The following MCM9 variants were observed in gnomAD, a reference collection of about 807,000 sequenced individuals.
MCM9 encodes the protein minichromosome maintenance 9 homologous recombination repair factor.
Under a neutral mutation model 72.8 loss-of-function variants are expected in MCM9, and 55 were observed. The observed-to-expected ratio is 0.76, with a 90% confidence interval of 0.61 to 0.95. The LOEUF (loss-of-function observed/expected upper bound fraction) is 0.95. Among genes scored for constraint, MCM9 ranks in the 40% least tolerant of loss-of-function variants. The pLI, the probability that MCM9 is intolerant of heterozygous loss-of-function variation, is 0.00. For missense variants in MCM9, 1,279 were observed against 1,377.0 expected, an observed-to-expected ratio of 0.93 and a Z score of 1.13; for synonymous variants, 480 against 503.4, an observed-to-expected ratio of 0.95 and a Z score of 0.62.
intron 9 of MCM9, among the ~76,000 whole-genome samples, chr6:118,831,542 A>T (rs1252253882): frequency 6.6e-6 from 1 of 152,084 alleles, no homozygotes; most frequent in African/African-American, 2.4e-5. Flanking sequence ...GCCAGGACAG[A>T]CAGGGTGGTC....
At chr6:118,866,948 A>G (rs147588591) in intron 8 of MCM9, among the ~76,000 whole-genome samples, 3 of 152,290 alleles carry the variant, frequency 2.0e-5, no homozygotes, top group African/African-American at 7.2e-5. Context: ...CATCACATAC[A>G]AAAGAACCTT....
At chr6:118,870,046 A>G (rs1346518002) in intron 8 of MCM9, among the ~76,000 whole-genome samples, 1 of 152,232 alleles carries the variant, frequency 6.6e-6, no homozygotes, top group African/African-American at 2.4e-5. Context: ...CTGCAACACA[A>G]TAATAGTAAG....
At chr6:118,823,073 C>G (rs939072280) in intron 13 of MCM9, among the ~76,000 whole-genome samples, 1 of 152,138 alleles carries the variant, frequency 6.6e-6, no homozygotes, top group Non-Finnish European at 1.5e-5. Flanking sequence ...CCACTGAGAC[C>G]ATTCAGCTCC....
chr6:118,917,001 A>AT (rs1398798739), intron 6 of MCM9, among the ~76,000 whole-genome samples: 21 of 152,152 alleles, frequency 1.4e-4, no homozygotes, highest in African/African-American at 5.1e-4. Context: ...CACACTTGAG[A>AT]TTTTTTAATA....
chr6:118,834,348 T>C (rs1244218855), intron 9 of MCM9, among the ~76,000 whole-genome samples: 1 of 152,228 alleles, frequency 6.6e-6, no homozygotes, highest in African/African-American at 2.4e-5. Flanking sequence ...TATAGTAGAA[T>C]GATTCATAAT....
chr6:118,826,434 T>C, intron 12 of MCM9, 142 bp from the exon 13 acceptor site: 1 of 840,282 alleles, frequency 1.2e-6, no homozygotes, highest in South Asian at 2.4e-5. Context: ...GGGAGGCTTT[T>C]TCAACTTTCT....
chr6:118,905,744 T>C, intron 8 of MCM9: 1 of 1,613,630 alleles, frequency 6.2e-7, no homozygotes, highest in East Asian at 2.2e-5. Context: ...GACAAGAATT[T>C]ATTAGAGTTG....
At chr6:118,909,174 G>T (rs1002741617) in intron 8 of MCM9, 3 of 152,132 alleles carry the variant, frequency 2.0e-5, no homozygotes, top group African/African-American at 7.2e-5. Context: ...CCAACAAAGA[G>T]CTCAGTGGTT....
At chr6:118,873,918 A>G (rs1562419154) in intron 8 of MCM9, among the ~76,000 whole-genome samples, 1 of 152,218 alleles carries the variant, frequency 6.6e-6, no homozygotes, top group Non-Finnish European at 1.5e-5. Context: ...AGAATTGTAC[A>G]CCATGAACAA....
chr6:118,894,472 A>G, intron 8 of MCM9: 3 of 1,536,884 alleles, frequency 2.0e-6, no homozygotes, highest in Non-Finnish European at 2.6e-6. Context: ...CCTTTCTACA[A>G]CCCGTTCCAG....
chr6:118,890,304 C>A (rs1238557816), intron 8 of MCM9, among the ~76,000 whole-genome samples: 1 of 152,064 alleles, frequency 6.6e-6, no homozygotes, highest in African/African-American at 2.4e-5. Flanking sequence ...GTAGAGAGTA[C>A]AAAGGTACTA....
At chr6:118,910,961 T>C (rs1316366656) in intron 8 of MCM9, 2 of 985,274 alleles carry the variant, frequency 2.0e-6, no homozygotes, top group East Asian at 2.3e-4. Flanking sequence ...TTTTAAAATG[T>C]GTGAAGCCAA....
At chr6:118,913,229 G>C (rs1395649281) in intron 7 of MCM9, 66 bp downstream of exon 7, 6 of 1,568,306 alleles carry the variant, frequency 3.8e-6, no homozygotes, top group Non-Finnish European at 5.2e-6. Flanking sequence ...TTTTATTTGG[G>C]AAAGAAAAAG....
At position 118,889,002 on chromosome 6, in the gene MCM9, T is replaced by C. The variant is rs530527817; in HGVS notation, c.1150+22648A>G. Among the ~76,000 whole-genome samples, 5 of 152,334 alleles carry C rather than the reference T, an allele frequency of 3.3e-5. No homozygotes were observed. In the East Asian group the frequency reaches 9.6e-4, roughly 29 times the overall value. On this transcript the variant is annotated intron_variant, in intron 8 of 13. Coordinates refer to ENST00000619706, the MANE Select transcript of MCM9 (RefSeq NM_017696.3). ...GAAAATACTCTAAAATTGATTGTGA[T>C]GATGGTTGCACACCTCTGAATATTC... is the stretch of plus-strand genomic sequence containing the variant.
At chr6:118,893,340 TG>T (rs898297653) in intron 8 of MCM9, among the ~76,000 whole-genome samples, 3 of 152,238 alleles carry the variant, frequency 2.0e-5, no homozygotes, top group African/African-American at 4.8e-5. Context: ...CTATTACGTT[TG>T]TTGCCCTGTT....
chr6:118,894,201 G>C, intron 8 of MCM9: 1 of 1,382,442 alleles, frequency 7.2e-7, no homozygotes, highest in Non-Finnish European at 9.3e-7. Flanking sequence ...TATCAGAGCA[G>C]AATGGGCTGT....
intron 8 of MCM9, among the ~76,000 whole-genome samples, chr6:118,866,837 C>T (rs562867187): frequency 2.0e-5 from 3 of 152,176 alleles, no homozygotes; most frequent in African/African-American, 7.2e-5. Context: ...CCAAACAATA[C>T]CAAATAAGAT....
chr6:118,823,637 G>T (rs1396096689), intron 13 of MCM9, among the ~76,000 whole-genome samples: 1 of 152,140 alleles, frequency 6.6e-6, no homozygotes, highest in Non-Finnish European at 1.5e-5. Context: ...CTAGAAGTAG[G>T]TCCTTTAGAA....
Position 118,917,692 on chromosome 6 carries a change from T to G in MCM9, c.773A>C (p.Glu258Ala). 1 of 1,614,144 alleles carries G rather than the reference T, an allele frequency of 6.2e-7. No individual in the cohort carries two copies. The highest frequency in any genetic ancestry group is 1.1e-5 in the South Asian group (1 of 91,082). ...WKPFQQDVRCEVEIVLKANYI... is the reference protein window; with the variant it reads ...WKPFQQDVRCAVEIVLKANYI... The stretch of plus-strand genomic sequence containing the variant: ...ATTTGCTTTCAGGACTATCTCCACT[T>G]CACAGCGCACATCTTGCTGAAAGGG... Residue 258 changes from glutamate (E) to alanine (A), a missense_variant, in exon 6 of 14, where the codon GAA becomes GCA. Coordinates refer to ENST00000619706, the MANE Select transcript of MCM9 (RefSeq NM_017696.3).
Sources: allele counts gnomAD v4.1 joint callset (sites outside exome capture counted in the v4.1 genomes callset), GRCh38; gene constraint gnomAD v4.1.1; transcripts MANE v1.5; gene names NCBI Gene and HGNC (gene_info 2026-07-23, HGNC 2026-07-21).